The following CAMTA1 variants were observed in gnomAD, a reference collection of about 807,000 sequenced individuals.
CAMTA1 encodes the protein calmodulin binding transcription activator 1, also known as calmodulin-binding transcription activator 1.
Under a neutral mutation model 170.9 loss-of-function variants are expected in CAMTA1, and 27 were observed. That is an observed-to-expected ratio of 0.16 (90% confidence interval 0.12 to 0.22). The LOEUF (loss-of-function observed/expected upper bound fraction) is 0.22, where lower values mean the gene tolerates loss of function less well. CAMTA1 is among the 10% of genes least tolerant of loss of function. The pLI, the probability that CAMTA1 is intolerant of heterozygous loss-of-function variation, is 1.00. For synonymous variants in CAMTA1, 833 were observed against 891.5 expected (o/e 0.93, Z 1.17); for missense variants, 1,619 against 2,217.2 (o/e 0.73, Z 5.42).
intron 6 of CAMTA1, among the ~76,000 whole-genome samples, chr1:7,489,291 T>C (rs1269695891): frequency 6.6e-6 from 1 of 152,212 alleles, no homozygotes; most frequent in East Asian, 1.9e-4. Flanking sequence ...CTATAGGACC[T>C]TCCAGAAGAG....
chr1:7,558,663 C>T (rs552804051), intron 6 of CAMTA1, among the ~76,000 whole-genome samples: 55 of 152,346 alleles, frequency 3.6e-4, no homozygotes, highest in African/African-American at 1.2e-3. Flanking sequence ...CCGAAACACA[C>T]GGAACTCACC....
intron 6 of CAMTA1, among the ~76,000 whole-genome samples, chr1:7,525,546 G>C (rs1044277424): frequency 1.4e-4 from 21 of 152,080 alleles, no homozygotes; most frequent in Admixed American, 1.2e-3. Flanking sequence ...CAGAATTGGA[G>C]AGTTGCCGAG....
intron 5 of CAMTA1, among the ~76,000 whole-genome samples, chr1:7,290,632 G>T (rs1461995130): frequency 1.3e-5 from 2 of 152,060 alleles, no homozygotes; most frequent in African/African-American, 4.8e-5. Flanking sequence ...CATTTTTAGT[G>T]CTTTCTCCGC....
At chr1:6,812,448 T>C (rs182628286) in intron 1 of CAMTA1, among the ~76,000 whole-genome samples, 25 of 152,352 alleles carry the variant, frequency 1.6e-4, no homozygotes, top group Non-Finnish European at 3.1e-4. Context: ...TGGGTTGATT[T>C]TGTTGATATT....
rs979811550 is a variant in CAMTA1 at position 7,680,422 on chromosome 1, C to G, written c.2914+2689C>G. Reference sequence around the variant, plus strand: ...GACTGCAGCGCGGAGCAAACTGGGGCACGGCTGCCGGCGGCGCGCGTGCAC... The same window carrying G: ...GACTGCAGCGCGGAGCAAACTGGGGGACGGCTGCCGGCGGCGCGCGTGCAC... On this transcript the variant is annotated intron_variant, in intron 11 of 22. Transcript: ENST00000303635. This position sits in a 1 kb window ranked among gnomAD's most constrained non-coding sequence, Gnocchi z 4.4. Among the ~76,000 whole-genome samples the G allele has an allele frequency of 6.6e-6, 1 of 152,114 alleles. No individual in the cohort carries two copies. Among genetic ancestry groups the G allele is most frequent in the Non-Finnish European group, 1.5e-5 (1 of 67,998 alleles).
chr1:6,946,397 C>A (rs984659075), intron 3 of CAMTA1, among the ~76,000 whole-genome samples: 3 of 152,072 alleles, frequency 2.0e-5, no homozygotes, highest in Admixed American at 1.3e-4. Context: ...TCTTGCTATA[C>A]TGCCAAGGCT....
At chr1:7,069,447 A>T (rs1164991754) in intron 3 of CAMTA1, among the ~76,000 whole-genome samples, 1 of 152,198 alleles carries the variant, frequency 6.6e-6, no homozygotes, top group African/African-American at 2.4e-5. Flanking sequence ...TGAAAATGGG[A>T]TGCAGGGGGC....
At chr1:6,986,581 A>T (rs530699041) in intron 3 of CAMTA1, among the ~76,000 whole-genome samples, 20 of 152,110 alleles carry the variant, frequency 1.3e-4, no homozygotes, top group African/African-American at 4.3e-4. Context: ...TTTTTAGGTG[A>T]TTTGTCAACC....
chr1:7,106,290 AAGG>A (rs763326048), intron 4 of CAMTA1, among the ~76,000 whole-genome samples: 43 of 151,706 alleles, frequency 2.8e-4, no homozygotes, highest in Non-Finnish European at 5.6e-4. Context: ...GAAGGAGAAG[AAGG>A]AGGAGGAGGA....
intron 2 of CAMTA1, among the ~76,000 whole-genome samples, chr1:6,824,785 C>G (rs753590579): frequency 2.8e-4 from 42 of 152,050 alleles, no homozygotes; most frequent in Non-Finnish European, 5.6e-4. Flanking sequence ...TGTGCTTCAT[C>G]AAAACATGGG....
At chr1:6,848,891 A>C (rs375212482) in intron 3 of CAMTA1, among the ~76,000 whole-genome samples, 1 of 152,364 alleles carries the variant, frequency 6.6e-6, no homozygotes, top group African/African-American at 2.4e-5. Flanking sequence ...CGGGAAAACA[A>C]AGAACTATTT....
intron 1 of CAMTA1, among the ~76,000 whole-genome samples, chr1:6,801,850 G>A (rs1003888297): frequency 2.0e-5 from 3 of 150,868 alleles, no homozygotes; most frequent in Non-Finnish European, 4.4e-5. Context: ...CAGGCCCTGA[G>A]GTTCATTTAT....
At chr1:7,122,189 C>T (rs954413454) in intron 4 of CAMTA1, among the ~76,000 whole-genome samples, 7 of 152,020 alleles carry the variant, frequency 4.6e-5, no homozygotes, top group African/African-American at 1.7e-4. Flanking sequence ...CCACCCTTGC[C>T]CTGTTCTTCT....
intron 3 of CAMTA1, among the ~76,000 whole-genome samples, chr1:7,035,891 T>C (rs919165068): frequency 5.3e-5 from 8 of 152,220 alleles, no homozygotes; most frequent in Non-Finnish European, 8.8e-5. Context: ...AAATAGTATA[T>C]AGCAGTTGAA....
chr1:6,793,835 A>T (rs184930691), intron 1 of CAMTA1, among the ~76,000 whole-genome samples: 87 of 152,340 alleles, frequency 5.7e-4, no homozygotes, highest in Admixed American at 9.1e-4. Context: ...TACAATCAAG[A>T]ATTAATGTTC....
chr1:7,250,926 G>A (rs1423909871), intron 5 of CAMTA1, among the ~76,000 whole-genome samples: 1 of 152,212 alleles, frequency 6.6e-6, no homozygotes, highest in Non-Finnish European at 1.5e-5. Context: ...GGTGACCGCT[G>A]ATCGTACAAA....
intron 4 of CAMTA1, among the ~76,000 whole-genome samples, chr1:7,097,124 T>G (rs1262423226): frequency 6.6e-6 from 1 of 152,214 alleles, no homozygotes; most frequent in African/African-American, 2.4e-5. Flanking sequence ...GCGAGCCCTC[T>G]TCCCTTCCTG....
rs1477312872 is a variant in CAMTA1 at position 7,248,733 on chromosome 1, C to T, written c.303-758C>T. Among the ~76,000 whole-genome samples, 1 of 152,116 alleles carries T rather than the reference C, an allele frequency of 6.6e-6. No individual in the cohort carries two copies. Among genetic ancestry groups the T allele is most frequent in the Non-Finnish European group, 1.5e-5 (1 of 68,022 alleles). ...TGGTGGACGCGTGTTTTCTTTTTGG[C>T]AAATTCAAGGTTCTTTACCTTTTTC... On this transcript the variant is annotated intron_variant, in intron 4 of 22. Coordinates refer to ENST00000303635, the MANE Select transcript of CAMTA1 (RefSeq NM_015215.4). The surrounding 1 kb of genome is among the most constrained non-coding windows in gnomAD (Gnocchi z 4.0).
intron 1 of CAMTA1, among the ~76,000 whole-genome samples, chr1:6,810,955 G>A (rs775426295): frequency 6.6e-6 from 1 of 152,328 alleles, no homozygotes; most frequent in South Asian, 2.1e-4. Context: ...AAAAACGGGA[G>A]CTTTCAGAGG....
Sources: gnomAD v4.1 joint callset for allele counts (sites outside exome capture counted in the v4.1 genomes callset) on GRCh38, gnomAD v4.1.1 for gene constraint, Gnocchi (gnomAD v3.1) non-coding constraint, MANE v1.5 for transcripts, NCBI Gene and HGNC (gene_info 2026-07-23, HGNC 2026-07-21) for gene names.